PKHD1: variants seen among roughly 807,000 people sequenced by gnomAD.
The protein encoded by PKHD1 is PKHD1 ciliary IPT domain containing fibrocystin/polyductin.
PKHD1 carries 291 observed loss-of-function variants against 412.0 expected under a neutral mutation model. The observed-to-expected ratio is 0.71, with a 90% CI of 0.64 to 0.78. The LOEUF (loss-of-function observed/expected upper bound fraction) is 0.78, where lower values mean the gene tolerates loss of function less well. PKHD1 is among the 30% of genes least tolerant of loss of function. The pLI is 0.00. For missense variants in PKHD1, 4,825 were observed against 4,950.7 expected, an observed-to-expected ratio of 0.97 and a Z score of 0.76; for synonymous variants, 1,777 against 1,821.5, an observed-to-expected ratio of 0.98 and a Z score of 0.62.
At chr6:51,677,686 T>C (rs1484632769) in intron 60 of PKHD1, among the ~76,000 whole-genome samples, 1 of 152,174 alleles carries the variant, frequency 6.6e-6, no homozygotes, top group Non-Finnish European at 1.5e-5. Flanking sequence ...GTCTCTACAA[T>C]CAGTTCTTTC....
chr6:51,907,476 A>G (rs1045279178), intron 40 of PKHD1, among the ~76,000 whole-genome samples: 7 of 152,210 alleles, frequency 4.6e-5, no homozygotes, highest in African/African-American at 1.7e-4. Flanking sequence ...AATCTTCACC[A>G]TATCACCCAA....
At position 51,649,212 on chromosome 6, in the gene PKHD1, C is replaced by T. The variant is rs1770540258; in HGVS notation, c.11183G>A (p.Ser3728Asn). The change falls in exon 62 of 67, where the codon AGC becomes AAC. Residue 3728 changes from serine to asparagine, a missense_variant. Transcript: ENST00000371117. ...TATCAAGTTCCCAGTTTTAAAACTG[C>T]TTGTATTTCTGACAGATATAAAAAC... ...SKGVIGYGNT[S>N]SFKTGNLIYI... 1 of 1,609,374 alleles carries T rather than the reference C, an allele frequency of 6.2e-7. No homozygotes were observed. Among genetic ancestry groups the T allele is most frequent in the Non-Finnish European group, 8.5e-7 (1 of 1,175,878 alleles).
intron 60 of PKHD1, among the ~76,000 whole-genome samples, chr6:51,740,611 C>T (rs191007319): frequency 2.0e-5 from 3 of 152,240 alleles, no homozygotes; most frequent in African/African-American, 7.2e-5. Flanking sequence ...TGAAAAAATA[C>T]AAAATAGTCA....
intron 60 of PKHD1, among the ~76,000 whole-genome samples, chr6:51,687,451 A>G (rs1200203167): frequency 1.3e-5 from 2 of 152,216 alleles, no homozygotes; most frequent in African/African-American, 2.4e-5. Flanking sequence ...TTTCTATTCT[A>G]CAGATAACTA....
intron 52 of PKHD1, among the ~76,000 whole-genome samples, chr6:51,796,658 G>T (rs919823089): frequency 1.3e-5 from 2 of 151,874 alleles, no homozygotes; most frequent in East Asian, 3.9e-4. Flanking sequence ...CTGTCTTAAT[G>T]CTGCTTTAGC....
chr6:51,765,273 T>TA, intron 55 of PKHD1, among the ~76,000 whole-genome samples: 1 of 152,216 alleles, frequency 6.6e-6, no homozygotes, highest in South Asian at 2.1e-4. Flanking sequence ...ACTGGCCTCC[T>TA]AACTGATATC....
chr6:51,742,329 G>C (rs1182588794), intron 60 of PKHD1, among the ~76,000 whole-genome samples: 1 of 152,074 alleles, frequency 6.6e-6, no homozygotes, highest in Non-Finnish European at 1.5e-5. Context: ...CTATTCCAGA[G>C]ATAAGCCTTC....
chr6:51,964,570 T>C (rs1446106159), intron 35 of PKHD1, among the ~76,000 whole-genome samples: 1 of 152,156 alleles, frequency 6.6e-6, no homozygotes, highest in Non-Finnish European at 1.5e-5. Flanking sequence ...GTGTCTTGCT[T>C]TTCTGCTGTA....
chr6:51,884,464 T>C, intron 45 of PKHD1, among the ~76,000 whole-genome samples: 1 of 152,240 alleles, frequency 6.6e-6, no homozygotes, highest in East Asian at 1.9e-4. Context: ...GGATAAATCC[T>C]CTTACTTCAT....
At chr6:51,791,767 G>A (rs189764505) in intron 52 of PKHD1, among the ~76,000 whole-genome samples, 130 of 152,298 alleles carry the variant, frequency 8.5e-4, no homozygotes, top group African/African-American at 3.0e-3. Context: ...AGACTATTTG[G>A]ATGTGAATAC....
At chr6:51,906,433 C>T (rs1782107236) in intron 40 of PKHD1, 93 bp from the exon 41 acceptor site, 2 of 950,040 alleles carry the variant, frequency 2.1e-6, no homozygotes, top group Middle Eastern at 2.1e-4. Flanking sequence ...TAAAGACATT[C>T]TCCCACACAA....
chr6:51,916,823 G>A (rs1199630697), intron 37 of PKHD1, among the ~76,000 whole-genome samples: 1 of 151,988 alleles, frequency 6.6e-6, no homozygotes, highest in African/African-American at 2.4e-5. Flanking sequence ...AAATGAAAAA[G>A]GACTATGCTT....
At chr6:52,075,115 C>G (rs1309598857) in intron 6 of PKHD1, among the ~76,000 whole-genome samples, 4 of 152,194 alleles carry the variant, frequency 2.6e-5, no homozygotes, top group Non-Finnish European at 4.4e-5. Flanking sequence ...GACCACATCC[C>G]TCTTTCATAA....
At chr6:51,776,815 C>G (rs1370758514) in intron 53 of PKHD1, among the ~76,000 whole-genome samples, 1 of 152,020 alleles carries the variant, frequency 6.6e-6, no homozygotes, top group East Asian at 1.9e-4. Context: ...GATACTCAGA[C>G]AGCAGTTGGA....
chr6:51,744,103 G>A (rs1398727372), intron 60 of PKHD1, among the ~76,000 whole-genome samples: 2 of 152,218 alleles, frequency 1.3e-5, no homozygotes, highest in African/African-American at 4.8e-5. Context: ...CAAGCTGGGC[G>A]AGAACTGTCC....
At chr6:51,993,270 G>T (rs1053741883) in intron 35 of PKHD1, among the ~76,000 whole-genome samples, 1 of 152,238 alleles carries the variant, frequency 6.6e-6, no homozygotes, top group Non-Finnish European at 1.5e-5. Flanking sequence ...AGCCTGGCCA[G>T]AGCTCCCAGG....
chr6:51,906,356 T>C lies in PKHD1; in HGVS notation c.6683-16A>G. Reference sequence around the variant, plus strand: ...ATGAAAGACTCTGAATAGGAAAGAGTAAAGTAAAAATTAGATATGGCTCCT... The same window carrying C: ...ATGAAAGACTCTGAATAGGAAAGAGCAAAGTAAAAATTAGATATGGCTCCT... On this transcript the variant is annotated splice_polypyrimidine_tract_variant and intron_variant, in intron 40 of 66. Transcript: ENST00000371117. 6.2e-7 allele frequency: 1 copy of C among 1,606,744 alleles called. No homozygotes were observed. The highest frequency in any genetic ancestry group is 8.5e-7 in the Non-Finnish European group (1 of 1,174,166).
At chr6:52,071,182 AT>A (rs1281500192) in intron 8 of PKHD1, 112 bp from the exon 9 acceptor site, 1 of 770,042 alleles carries the variant, frequency 1.3e-6, no homozygotes, top group African/African-American at 1.7e-5. Flanking sequence ...GCTAGAGAAA[AT>A]GGTAGACAGA....
chr6:51,707,402 A>G (rs984430471), intron 60 of PKHD1, among the ~76,000 whole-genome samples: 4 of 152,144 alleles, frequency 2.6e-5, no homozygotes, highest in Non-Finnish European at 4.4e-5. Context: ...GGCTGGCCTC[A>G]TTGGCAAACT....
Sources: allele counts gnomAD v4.1 joint callset (sites outside exome capture counted in the v4.1 genomes callset), GRCh38; gene constraint gnomAD v4.1.1; transcripts MANE v1.5; gene names NCBI Gene and HGNC (gene_info 2026-07-23, HGNC 2026-07-21).